Variants in HS3ST4 observed in about 807,000 individuals in gnomAD.
The protein encoded by HS3ST4 is heparan sulfate glucosamine 3-O-sulfotransferase 4.
HS3ST4 carries 17 observed loss-of-function variants against 29.2 expected under a neutral mutation model. That is an observed-to-expected ratio of 0.58 (90% CI 0.40 to 0.87). The LOEUF is 0.87. Among genes scored for constraint, HS3ST4 ranks in the 40% least tolerant of loss-of-function variants. HS3ST4 has a pLI of 0.00. For missense variants in HS3ST4, 627 were observed against 634.5 expected (o/e 0.99, Z 0.13); for synonymous variants, 314 against 285.7 (o/e 1.10, Z -1.00).
chr16:26,005,632 C>T (rs368922930), intron 1 of HS3ST4, among the ~76,000 whole-genome samples: 6 of 150,628 alleles, frequency 4.0e-5, no homozygotes, highest in African/African-American at 1.5e-4. Context: ...AGGTCTGGAA[C>T]AAGGCAAACC....
intron 1 of HS3ST4, among the ~76,000 whole-genome samples, chr16:25,699,883 T>G (rs1332709091): frequency 6.6e-6 from 1 of 152,198 alleles, no homozygotes; most frequent in Non-Finnish European, 1.5e-5. Context: ...AAATGGCATT[T>G]AAAGTGCCCT....
intron 1 of HS3ST4, among the ~76,000 whole-genome samples, chr16:26,048,637 G>C (rs1223217717): frequency 6.6e-6 from 1 of 151,960 alleles, no homozygotes; most frequent in Non-Finnish European, 1.5e-5. Context: ...GACCAGCCTG[G>C]GCAACATAGT....
Position 26,136,148 on chromosome 16 carries a change from T to C in HS3ST4, c.1271T>C (p.Val424Ala), listed in dbSNP as rs779752348. ...GRTHPRIDPDVIHRLRKFYKP... is the reference protein window; with the variant it reads ...GRTHPRIDPDAIHRLRKFYKP... ...ACTCATCCTCGCATTGACCCAGATG[T>C]CATCCACAGACTGAGGAAATTCTAC... is the stretch of plus-strand genomic sequence containing the variant. Residue 424 changes from valine (V) to alanine (A), a missense_variant, in exon 2 of 2, where the codon GTC (valine) becomes GCC (alanine). Coordinates refer to ENST00000331351, the MANE Select transcript of HS3ST4 (RefSeq NM_006040.3). 2.5e-6 allele frequency: 4 copies of C among 1,613,374 alleles called. No individual in the cohort carries two copies. The South Asian group carries it at 4.4e-5, about 18-fold the overall frequency.
intron 1 of HS3ST4, among the ~76,000 whole-genome samples, chr16:25,820,641 C>A (rs1967144299): frequency 6.6e-6 from 1 of 151,802 alleles, no homozygotes; most frequent in African/African-American, 2.4e-5. Flanking sequence ...CTTTATGTTG[C>A]CGAGGCTGGT....
intron 1 of HS3ST4, among the ~76,000 whole-genome samples, chr16:26,023,489 T>C (rs1969436419): frequency 6.6e-6 from 1 of 151,956 alleles, no homozygotes; most frequent in Non-Finnish European, 1.5e-5. Context: ...AACCTCAAAC[T>C]CCTGAGCTCA....
chr16:26,021,865 T>C (rs9937552), intron 1 of HS3ST4, among the ~76,000 whole-genome samples: 22,409 of 151,954 alleles, frequency 0.15, 4,304 homozygotes, highest in African/African-American at 0.44. Flanking sequence ...GGTTTCACCA[T>C]GTTGGCCAGG....
chr16:25,793,394 T>G (rs759647896), intron 1 of HS3ST4, among the ~76,000 whole-genome samples: 1 of 151,970 alleles, frequency 6.6e-6, no homozygotes, highest in Non-Finnish European at 1.5e-5. Context: ...TAAAGTCTTC[T>G]ATTATGTTTG....
chr16:25,739,888 A>G (rs1333089386), intron 1 of HS3ST4, among the ~76,000 whole-genome samples: 1 of 152,194 alleles, frequency 6.6e-6, no homozygotes, highest in Non-Finnish European at 1.5e-5. Context: ...AAGAAACAGC[A>G]TCTGTTGAAG....
rs183610158 is a variant in HS3ST4 at position 25,954,129 on chromosome 16, A to G, written c.735-181483A>G. Among the ~76,000 whole-genome samples the G allele has an allele frequency of 2.4e-3, 365 of 152,346 alleles. 2 individuals are homozygous for G. Among genetic ancestry groups the G allele is most frequent in the African/African-American group, 8.1e-3 (337 of 41,586 alleles). On this transcript the variant is annotated intron_variant, in intron 1 of 1. Transcript: ENST00000331351. ...GGTTGAGCATGCAGAGCAAAATGAA[A>G]GAAGTGCTTTGCTCCTTGCTGACTG... is the stretch of plus-strand genomic sequence containing the variant.
rs1371756607 is a variant in HS3ST4 at position 25,806,588 on chromosome 16, G to A, written c.734+113437G>A. Among the ~76,000 whole-genome samples the A allele has an allele frequency of 6.6e-5, 10 of 152,122 alleles. No homozygotes were observed. In the East Asian group the frequency reaches 1.9e-3, roughly 29 times the overall value. On this transcript the variant is annotated intron_variant, in intron 1 of 1. Transcript: ENST00000331351. ...CTGCTATCATATTTTCTAGTGTGGAGTCTTCTTTTGCTCATTTTTTTTAAT... is the reference window on the plus strand; with the variant it reads ...CTGCTATCATATTTTCTAGTGTGGAATCTTCTTTTGCTCATTTTTTTTAAT...
chr16:26,064,456 T>A (rs1352885673), intron 1 of HS3ST4, among the ~76,000 whole-genome samples: 2 of 151,944 alleles, frequency 1.3e-5, no homozygotes, highest in Non-Finnish European at 2.9e-5. Flanking sequence ...CACGCAGATG[T>A]CATGGAGGAT....
intron 1 of HS3ST4, among the ~76,000 whole-genome samples, chr16:26,017,092 C>T (rs1969369259): frequency 6.6e-6 from 1 of 152,214 alleles, no homozygotes; most frequent in African/African-American, 2.4e-5. Flanking sequence ...GAACAATAAA[C>T]AAACACTTGC....
chr16:26,068,483 A>G (rs776187413), intron 1 of HS3ST4, among the ~76,000 whole-genome samples: 2 of 152,166 alleles, frequency 1.3e-5, no homozygotes, highest in Non-Finnish European at 2.9e-5. Flanking sequence ...GTCTTCCCCA[A>G]ATTTACATAA....
intron 1 of HS3ST4, among the ~76,000 whole-genome samples, chr16:25,983,691 G>GAA (rs1969032594): frequency 1.3e-5 from 2 of 152,170 alleles, no homozygotes; most frequent in African/African-American, 4.8e-5. Context: ...GCCATACATA[G>GAA]TCTTGGCTCT....
intron 1 of HS3ST4, among the ~76,000 whole-genome samples, chr16:25,943,897 A>G (rs1050542668): frequency 1.3e-5 from 2 of 152,016 alleles, no homozygotes; most frequent in East Asian, 1.9e-4. Flanking sequence ...ATTTTCCTAC[A>G]CCAGAGCTTA....
At chr16:26,024,195 C>T (rs995894726) in intron 1 of HS3ST4, among the ~76,000 whole-genome samples, 3 of 150,514 alleles carry the variant, frequency 2.0e-5, no homozygotes, top group African/African-American at 7.4e-5. Flanking sequence ...TGCACTCCAG[C>T]CCAGGCAACA....
intron 1 of HS3ST4, among the ~76,000 whole-genome samples, chr16:25,936,074 A>G (rs1968514516): frequency 1.3e-5 from 2 of 152,188 alleles, no homozygotes. Context: ...ATCCAGCCGA[A>G]ATACTAGAAT....
chr16:26,135,080 A>C (rs935957380), intron 1 of HS3ST4, among the ~76,000 whole-genome samples: 8 of 152,176 alleles, frequency 5.3e-5, no homozygotes, highest in African/African-American at 1.9e-4. Context: ...TTAGACGAAA[A>C]TAGGAGGCAG....
At chr16:25,695,927 C>T (rs1310020323) in intron 1 of HS3ST4, among the ~76,000 whole-genome samples, 5 of 152,208 alleles carry the variant, frequency 3.3e-5, no homozygotes, top group African/African-American at 1.2e-4. Flanking sequence ...ATTGGGGCTG[C>T]TCTCTGCACA....
Sources: gnomAD v4.1 joint callset for allele counts (sites outside exome capture counted in the v4.1 genomes callset) on GRCh38, gnomAD v4.1.1 for gene constraint, MANE v1.5 for transcripts, NCBI Gene and HGNC (gene_info 2026-07-23, HGNC 2026-07-21) for gene names.